The following SLC44A5 variants were observed in gnomAD, a reference collection of about 807,000 sequenced individuals.
SLC44A5 encodes solute carrier family 44 member 5.
A neutral mutation model predicts 101.8 loss-of-function variants in SLC44A5; 57 were observed. The ratio of observed to expected loss-of-function variants is 0.56; its 90% CI spans 0.45 to 0.70. SLC44A5 has a LOEUF of 0.70. Among genes scored for constraint, SLC44A5 ranks in the 30% least tolerant of loss-of-function variants. The pLI, the probability that SLC44A5 is intolerant of heterozygous loss-of-function variation, is 0.00. For synonymous variants in SLC44A5, 281 were observed against 290.9 expected, an observed-to-expected ratio of 0.97 and a Z score of 0.35; for missense variants, 737 against 853.1, an observed-to-expected ratio of 0.86 and a Z score of 1.70.
At position 75,573,127 on chromosome 1, in the gene SLC44A5, C is replaced by CAAA. The variant is rs745593621; in HGVS notation, c.-69-31614_-69-31612dup. Among the ~76,000 whole-genome samples, 137 of 16,710 alleles carry CAAA rather than the reference C, an allele frequency of 8.2e-3. 18 individuals carry two copies. The highest frequency in any genetic ancestry group is 0.033 in the African/African-American group (133 of 4,068). The allele number at this position is 16,710 out of a possible 152,430, so 11.0% of individuals were successfully genotyped here. A position where few individuals can be genotyped will look rare whatever the true frequency, so the allele number is the denominator to read the frequency against. On this transcript the variant is annotated intron_variant, in intron 1 of 23. Transcript: ENST00000370859. ...TGAGCGACAGAGCAAGGCTCCATCT[C>CAAA]AAAAAAAAAAAAAAAAAAAAAAAAA...
the SLC44A5 span, among the ~76,000 whole-genome samples, chr1:75,643,418 A>T: frequency 6.6e-6 from 1 of 152,310 alleles, no homozygotes; most frequent in African/African-American, 2.4e-5. Flanking sequence ...ATATAAAAAC[A>T]AGCAAATATC....
At chr1:75,544,561 C>T (rs1007405011) in intron 1 of SLC44A5, among the ~76,000 whole-genome samples, 3 of 152,176 alleles carry the variant, frequency 2.0e-5, no homozygotes, top group Non-Finnish European at 2.9e-5. Flanking sequence ...TTAAGAGTTA[C>T]TTGCAGATTA....
the SLC44A5 span, chr1:75,641,989 C>T: frequency 3.3e-6 from 5 of 1,522,756 alleles, no homozygotes; most frequent in Non-Finnish European, 3.6e-6. Flanking sequence ...CATCTTCCTC[C>T]TCATCATCTT....
At chr1:75,563,489 G>A (rs1473221818) in intron 1 of SLC44A5, among the ~76,000 whole-genome samples, 1 of 151,774 alleles carries the variant, frequency 6.6e-6, no homozygotes, top group African/African-American at 2.4e-5. Flanking sequence ...CATCCCAGTT[G>A]AGATATTATA....
At chr1:75,302,112 G>GTTTTTTTTTTTTTTTTTTTTTTTTTTTT (rs10684140) in intron 4 of SLC44A5, among the ~76,000 whole-genome samples, 1 of 60,138 alleles carries the variant, frequency 1.7e-5, no homozygotes, top group African/African-American at 6.9e-5. Context: ...TAGTTTTTTT[G>GTTTTTTTTTTTTTTTTTTTTTTTTTTTT]TTTTTTTTTT....
chr1:75,369,205 A>T (rs1224276346), intron 3 of SLC44A5, among the ~76,000 whole-genome samples: 1 of 151,470 alleles, frequency 6.6e-6, no homozygotes, highest in Non-Finnish European at 1.5e-5. Context: ...TTTTGAAGAG[A>T]CAGGGTTTTG....
intron 1 of SLC44A5, among the ~76,000 whole-genome samples, chr1:75,576,375 C>T (rs1673364987): frequency 6.6e-6 from 1 of 151,680 alleles, no homozygotes; most frequent in South Asian, 2.1e-4. Flanking sequence ...AGTGCAATGG[C>T]GCGATCTCCA....
At chr1:75,678,869 A>T in the SLC44A5 span, among the ~76,000 whole-genome samples, 1 of 152,182 alleles carries the variant, frequency 6.6e-6, no homozygotes. Flanking sequence ...TTTGAAAAAA[A>T]TTTAGAAGAA....
upstream of SLC44A5, among the ~76,000 whole-genome samples, chr1:75,613,985 G>GT (rs1333596781): frequency 6.6e-6 from 1 of 152,114 alleles, no homozygotes; most frequent in East Asian, 1.9e-4. Flanking sequence ...ACCATGTACT[G>GT]TAAAACTGTA....
the SLC44A5 span, among the ~76,000 whole-genome samples, chr1:75,642,547 C>A: frequency 6.6e-6 from 1 of 151,500 alleles, no homozygotes; most frequent in Non-Finnish European, 1.5e-5. Context: ...AATTCCTATT[C>A]TGATTGACTT....
At chr1:75,435,283 G>A (rs770417188) in intron 2 of SLC44A5, among the ~76,000 whole-genome samples, 16 of 152,232 alleles carry the variant, frequency 1.1e-4, no homozygotes, top group South Asian at 2.1e-4. Flanking sequence ...ACTGAAATAC[G>A]TTAATACCTA....
chr1:75,394,593 G>T (rs1662007578), intron 3 of SLC44A5, among the ~76,000 whole-genome samples: 1 of 152,128 alleles, frequency 6.6e-6, no homozygotes, highest in Non-Finnish European at 1.5e-5. Context: ...AACAGAAGAG[G>T]AAGTGAAACG....
chr1:75,351,912 G>C (rs544255463), intron 3 of SLC44A5, among the ~76,000 whole-genome samples: 2 of 145,062 alleles, frequency 1.4e-5, no homozygotes, highest in East Asian at 4.1e-4. Flanking sequence ...AGAAATTTTA[G>C]TCATGGAAAG....
At chr1:75,719,484 G>T in the SLC44A5 span, among the ~76,000 whole-genome samples, 16 of 152,052 alleles carry the variant, frequency 1.1e-4, no homozygotes, top group Admixed American at 9.8e-4. Context: ...AAAAATCTTA[G>T]ATTCTAGCCC....
intron 2 of SLC44A5, among the ~76,000 whole-genome samples, chr1:75,446,494 CTTT>C (rs1665586292): frequency 6.6e-6 from 1 of 152,148 alleles, no homozygotes; most frequent in Non-Finnish European, 1.5e-5. Context: ...ACCCTGTCTT[CTTT>C]ATCTCTCCCT....
chr1:75,564,019 G>T (rs1372189998), intron 1 of SLC44A5, among the ~76,000 whole-genome samples: 1 of 152,148 alleles, frequency 6.6e-6, no homozygotes, highest in Non-Finnish European at 1.5e-5. Flanking sequence ...GAAAACTGGT[G>T]TATTACCCCT....
chr1:75,362,619 T>C (rs1381166008), intron 3 of SLC44A5, among the ~76,000 whole-genome samples: 1 of 152,068 alleles, frequency 6.6e-6, no homozygotes, highest in Non-Finnish European at 1.5e-5. Context: ...CTGAAATTCA[T>C]TCTTTTATGA....
chr1:75,432,932 A>G (rs183078279), intron 2 of SLC44A5, among the ~76,000 whole-genome samples: 42 of 152,106 alleles, frequency 2.8e-4, no homozygotes, highest in Admixed American at 2.7e-3. Flanking sequence ...CACCCACCCT[A>G]ACATCTTCTG....
intron 2 of SLC44A5, among the ~76,000 whole-genome samples, chr1:75,415,048 C>T (rs1476243909): frequency 6.6e-6 from 1 of 152,102 alleles, no homozygotes; most frequent in Non-Finnish European, 1.5e-5. Flanking sequence ...GGGAGTGGAA[C>T]AGTATTCTAG....
Sources: gnomAD v4.1 joint callset for allele counts (sites outside exome capture counted in the v4.1 genomes callset) on GRCh38, gnomAD v4.1.1 for gene constraint, MANE v1.5 for transcripts, NCBI Gene and HGNC (gene_info 2026-07-23, HGNC 2026-07-21) for gene names.